Variants in MAGI1 observed in about 807,000 individuals in gnomAD.
MAGI1 encodes membrane-associated guanylate kinase, WW and PDZ domain-containing protein 1.
A neutral mutation model predicts 139.9 loss-of-function variants in MAGI1; 58 were observed. That is an observed-to-expected ratio of 0.41 (90% CI 0.34 to 0.52). The LOEUF is 0.52. Among genes scored for constraint, MAGI1 ranks in the 20% least tolerant of loss-of-function variants. MAGI1 has a pLI of 0.12. For missense variants in MAGI1, 1,874 were observed against 1,901.6 expected, an observed-to-expected ratio of 0.99 and a Z score of 0.27; for synonymous variants, 812 against 737.9, an observed-to-expected ratio of 1.10 and a Z score of -1.63.
At chr3:65,748,845 G>GTA (rs1293618934) in intron 1 of MAGI1, among the ~76,000 whole-genome samples, 27 of 152,166 alleles carry the variant, frequency 1.8e-4, no homozygotes, top group Admixed American at 1.8e-3. Context: ...AAACAGTGGG[G>GTA]TATACAGCAC....
At chr3:65,564,608 G>C (rs1031246397) in intron 2 of MAGI1, among the ~76,000 whole-genome samples, 3 of 152,124 alleles carry the variant, frequency 2.0e-5, no homozygotes, top group East Asian at 1.9e-4. Flanking sequence ...AAAAATAGTA[G>C]GCCATGCAGT....
At chr3:65,470,078 C>A in intron 5 of MAGI1, 1 of 444,256 alleles carries the variant, frequency 2.3e-6, no homozygotes, top group South Asian at 3.6e-5. Flanking sequence ...AATGATTAAC[C>A]TTATGCTTCC....
intron 1 of MAGI1, among the ~76,000 whole-genome samples, chr3:65,863,442 T>C (rs949353834): frequency 2.0e-5 from 3 of 152,210 alleles, no homozygotes; most frequent in African/African-American, 7.2e-5. Flanking sequence ...AGGGTAAATT[T>C]AAAATCATAA....
rs9859574 is a variant in MAGI1 at position 65,368,254 on chromosome 3, T to C, written c.3197-3308A>G. Among the ~76,000 whole-genome samples, 964 of 152,324 alleles carry C rather than the reference T, an allele frequency of 6.3e-3. 10 individuals are homozygous for C. The highest frequency in any genetic ancestry group is 0.022 in the African/African-American group (925 of 41,568). On this transcript the variant is annotated intron_variant, in intron 18 of 22. Coordinates refer to ENST00000402939, the MANE Select transcript of MAGI1 (RefSeq NM_001033057.2). The stretch of plus-strand genomic sequence containing the variant: ...AAAGAGGTGTCAATGTATTTGACTT[T>C]TAAAACTGCAAGGCACATGGACAGA...
At chr3:65,380,204 C>A (rs1428512727) in intron 16 of MAGI1, among the ~76,000 whole-genome samples, 1 of 152,208 alleles carries the variant, frequency 6.6e-6, no homozygotes, top group Non-Finnish European at 1.5e-5. Flanking sequence ...GTGTTACCAT[C>A]AGACTGCAAG....
rs374988385 is a variant in MAGI1 at position 65,365,533 on chromosome 3, A to T, written c.3197-587T>A. On this transcript the variant is annotated intron_variant, in intron 18 of 22. Coordinates refer to ENST00000402939, the MANE Select transcript of MAGI1 (RefSeq NM_001033057.2). ...CAGATCTTGTTTGGTATCACTCATG[A>T]AAAGTCCTATAGTAATAGCTATATG... 2.0e-5 allele frequency among the ~76,000 whole-genome samples: 3 copies of T among 152,218 alleles called. No homozygotes were observed. In the East Asian group the frequency reaches 5.8e-4, roughly 29 times the overall value.
At chr3:65,566,824 C>G (rs2108045977) in intron 2 of MAGI1, among the ~76,000 whole-genome samples, 1 of 141,842 alleles carries the variant, frequency 7.1e-6, no homozygotes, top group Non-Finnish European at 1.5e-5. Flanking sequence ...TGAGACCTCT[C>G]CTGACCCGGT....
chr3:65,905,033 C>A (rs1194068321), intron 1 of MAGI1, among the ~76,000 whole-genome samples: 2 of 152,186 alleles, frequency 1.3e-5, no homozygotes, highest in Non-Finnish European at 1.5e-5. Context: ...CAGAACCCCA[C>A]ATTACAATAC....
At chr3:65,619,620 C>A (rs959809101) in intron 2 of MAGI1, among the ~76,000 whole-genome samples, 3 of 152,162 alleles carry the variant, frequency 2.0e-5, no homozygotes, top group Non-Finnish European at 4.4e-5. Context: ...AAATCCACGG[C>A]TTCCTAATCC....
At chr3:65,386,472 C>CTTTA (rs1943461449) in intron 14 of MAGI1, among the ~76,000 whole-genome samples, 1 of 152,314 alleles carries the variant, frequency 6.6e-6, no homozygotes, top group African/African-American at 2.4e-5. Flanking sequence ...CTTCTACCAA[C>CTTTA]TAAATGCCAT....
intron 1 of MAGI1, among the ~76,000 whole-genome samples, chr3:65,955,486 A>C (rs955537309): frequency 6.6e-6 from 1 of 152,214 alleles, no homozygotes; most frequent in African/African-American, 2.4e-5. Flanking sequence ...GGGCAAATGA[A>C]GCAGGAGAAG....
At chr3:65,891,211 C>CAA (rs1451763334) in intron 1 of MAGI1, among the ~76,000 whole-genome samples, 115 of 123,376 alleles carry the variant, frequency 9.3e-4, no homozygotes, top group African/African-American at 4.7e-3. Context: ...CAGAAAAACA[C>CAA]ACACAAAAAA....
intron 1 of MAGI1, among the ~76,000 whole-genome samples, chr3:65,758,031 C>T (rs1374420145): frequency 6.6e-6 from 1 of 152,170 alleles, no homozygotes; most frequent in East Asian, 1.9e-4. Flanking sequence ...CAGCATCTTA[C>T]ACACACAGAG....
chr3:65,659,659 C>T (rs2086083776), intron 1 of MAGI1, among the ~76,000 whole-genome samples: 1 of 152,146 alleles, frequency 6.6e-6, no homozygotes, highest in African/African-American at 2.4e-5. Flanking sequence ...ACCCGTACTC[C>T]CCTTTCTTAA....
At chr3:65,944,526 A>C (rs185090673) in intron 1 of MAGI1, among the ~76,000 whole-genome samples, 47 of 152,294 alleles carry the variant, frequency 3.1e-4, no homozygotes, top group Admixed American at 1.3e-3. Flanking sequence ...TCAAGGGAAA[A>C]AAAAATAAAG....
In MAGI1 at chr3:65,357,046, A is replaced by T. The variant is rs1176180248; in HGVS notation, c.3721T>A (p.Ser1241Thr). ...RAGPDRRQHPSLESSYPPDLH... is the reference protein window; with the variant it reads ...RAGPDRRQHPTLESSYPPDLH... ...TCGGGTGGGTAACTGGACTCCAATG[A>T]CGGATGCTGCCGGCGGTCGGGCCCG... Residue 1241 changes from serine to threonine, a missense_variant, in exon 23 of 23, where the codon TCA becomes ACA. Physicochemically the swap from Ser to Thr is moderately conservative, Grantham distance 58 (BLOSUM62 1). Around this residue, in one of 5 missense-constraint regions of MAGI1, gnomAD observed 653 missense variants for 644.5 expected, o/e 1.01. Coordinates refer to ENST00000402939, the MANE Select transcript of MAGI1 (RefSeq NM_001033057.2). The T allele has an allele frequency of 6.2e-7, 1 of 1,613,982 alleles. No individual in the cohort carries two copies. The highest frequency in any genetic ancestry group is 1.3e-5 in the African/African-American group (1 of 74,900).
rs1575802763 is a variant in MAGI1 at position 65,453,204 on chromosome 3, A to G, written c.1042+54T>C. 11 of 1,500,862 alleles carry G rather than the reference A, an allele frequency of 7.3e-6. No individual in the cohort carries two copies. The East Asian group carries it at 2.5e-4, about 34-fold the overall frequency. The allele number at this position is 1,500,862 out of a possible 1,614,324, so 93.0% of individuals were successfully genotyped here. On this transcript the variant is annotated intron_variant, in intron 6 of 22. Transcript: ENST00000402939. ...CTGGCTACGACTCTTTAAAATTTGCACATGTGAACAGTGCCCCCAATTCAC... is the reference window on the plus strand; with the variant it reads ...CTGGCTACGACTCTTTAAAATTTGCGCATGTGAACAGTGCCCCCAATTCAC...
chr3:65,447,756 C>T (rs374118629), intron 7 of MAGI1, among the ~76,000 whole-genome samples: 2 of 152,308 alleles, frequency 1.3e-5, no homozygotes, highest in East Asian at 3.9e-4. Flanking sequence ...TACAAGACTA[C>T]CCATTACCAA....
chr3:65,516,148 C>G (rs1488804628), intron 2 of MAGI1, among the ~76,000 whole-genome samples: 3 of 152,148 alleles, frequency 2.0e-5, no homozygotes, highest in East Asian at 1.9e-4. Context: ...CAAGTCCAGA[C>G]TGGACAACAT....
Sources: gnomAD v4.1 joint callset for allele counts (sites outside exome capture counted in the v4.1 genomes callset) on GRCh38, gnomAD v4.1.1 for gene constraint, gnomAD v4.1.1 regional missense constraint, MANE v1.5 for transcripts, NCBI Gene and HGNC (gene_info 2026-07-23, HGNC 2026-07-21) for gene names.